The following MRPL48 variants were observed in gnomAD, a reference collection of about 807,000 sequenced individuals.
MRPL48 encodes mitochondrial ribosomal protein L48.
In MRPL48, 16 loss-of-function variants were observed where a neutral mutation model predicts 32.9. The ratio of observed to expected loss-of-function variants is 0.49; its 90% CI spans 0.33 to 0.74. The LOEUF is 0.74. MRPL48 is among the 30% of genes least tolerant of loss of function. The pLI, the probability that MRPL48 is intolerant of heterozygous loss-of-function variation, is 0.02. For missense variants in MRPL48, 206 were observed against 245.3 expected (o/e 0.84, Z 1.07); for synonymous variants, 94 against 89.2 (o/e 1.05, Z -0.31).
intron 3 of MRPL48, among the ~76,000 whole-genome samples, chr11:73,813,474 C>A (rs1320677699): frequency 6.6e-6 from 1 of 151,734 alleles, no homozygotes; most frequent in East Asian, 1.9e-4. Flanking sequence ...GTGCCTGGCC[C>A]ATTTATGTTT....
chr11:73,826,347 A>G (rs1368654663), intron 4 of MRPL48, among the ~76,000 whole-genome samples: 4 of 152,200 alleles, frequency 2.6e-5, no homozygotes, highest in African/African-American at 9.7e-5. Flanking sequence ...ATACTTAAAA[A>G]AAAATCTTCC....
At chr11:73,832,352 A>G (rs1176646111) in intron 4 of MRPL48, 3 of 152,248 alleles carry the variant, frequency 2.0e-5, no homozygotes, top group African/African-American at 7.2e-5. Flanking sequence ...TAGCACCCAT[A>G]ATAGATCAGC....
chr11:73,805,099 T>C lies in MRPL48; in HGVS notation c.74+20T>C, dbSNP rs1222568653. ...CTTAAGGTAAGAATATTAAAAACAA[T>C]AATTAAATATAGGTAACATTTGCCT... On this transcript the variant is annotated intron_variant, in intron 2 of 7. Transcript: ENST00000310614. The C allele has an allele frequency of 2.6e-6, 4 of 1,536,770 alleles. No individual in the cohort carries two copies. The highest frequency in any genetic ancestry group is 1.4e-5 in the African/African-American group (1 of 72,562).
intron 2 of MRPL48, among the ~76,000 whole-genome samples, chr11:73,807,847 C>T (rs1947484107): frequency 6.6e-6 from 1 of 152,104 alleles, no homozygotes; most frequent in Admixed American, 6.6e-5. Flanking sequence ...CCATATTGGG[C>T]AGGCTAGTCT....
At chr11:73,832,239 C>T (rs1948009919) in intron 4 of MRPL48, 1 of 152,156 alleles carries the variant, frequency 6.6e-6, no homozygotes, top group South Asian at 2.1e-4. Flanking sequence ...TGCAGAATGG[C>T]CCCTAGGAAT....
At chr11:73,814,993 C>CATAAATAA (rs142219300) in intron 3 of MRPL48, among the ~76,000 whole-genome samples, 17,602 of 148,964 alleles carry the variant, frequency 0.12, 1,132 homozygotes, top group East Asian at 0.19. Context: ...GACTTGGTCT[C>CATAAATAA]ATAAATAAAT....
At chr11:73,794,184 G>GTATGTATC (rs1947202994) in intron 1 of MRPL48, among the ~76,000 whole-genome samples, 3 of 139,178 alleles carry the variant, frequency 2.2e-5, no homozygotes. Context: ...GTGAGACCCT[G>GTATGTATC]TATCTATCTA....
intron 4 of MRPL48, among the ~76,000 whole-genome samples, chr11:73,829,898 A>G (rs1947962330): frequency 6.6e-6 from 1 of 151,534 alleles, no homozygotes; most frequent in Non-Finnish European, 1.5e-5. Context: ...CTGAGTAGCT[A>G]GGATTACAGG....
chr11:73,815,015 TA>T (rs1947638501), intron 3 of MRPL48, among the ~76,000 whole-genome samples: 1 of 151,290 alleles, frequency 6.6e-6, no homozygotes, highest in African/African-American at 2.4e-5. Context: ...AATAAATAAA[TA>T]AATAAAACAA....
chr11:73,796,846 C>T (rs774376087), intron 1 of MRPL48, among the ~76,000 whole-genome samples: 5 of 152,208 alleles, frequency 3.3e-5, no homozygotes, highest in Admixed American at 1.3e-4. Context: ...AGGCAGATCA[C>T]CTGAGGTCAG....
At chr11:73,820,318 G>A (rs1359108757) in intron 3 of MRPL48, among the ~76,000 whole-genome samples, 3 of 152,052 alleles carry the variant, frequency 2.0e-5, no homozygotes, top group Non-Finnish European at 2.9e-5. Context: ...TCCGCCTCCC[G>A]GGTTCAAGTG....
chr11:73,805,057 A>C lies in MRPL48; in HGVS notation c.52A>C (p.Lys18Gln). The C allele has an allele frequency of 6.3e-7, 1 of 1,586,882 alleles. No individual in the cohort carries two copies. Among genetic ancestry groups the C allele is most frequent in the Non-Finnish European group, 8.6e-7 (1 of 1,165,452 alleles). ...VLCLRNNTIF[K>Q]QAFSLLRFRT... is the part of the protein sequence containing the mutation. ...GTGCCTGAGGAACAATACCATTTTT[A>C]AGCAAGCCTTTTCTCTCTTAAGGTA... The change falls in exon 2 of 8, where the codon AAG becomes CAG. Residue 18 changes from lysine (K) to glutamine (Q), a missense_variant. By Grantham distance (53) the Lys-to-Gln change is moderately conservative (BLOSUM62 1). Transcript: ENST00000310614.
chr11:73,791,553 A>G (rs1947154141), intron 1 of MRPL48, among the ~76,000 whole-genome samples: 1 of 151,946 alleles, frequency 6.6e-6, no homozygotes, highest in South Asian at 2.1e-4. Context: ...AGTAGCTGGG[A>G]TTACAGGCAC....
intron 7 of MRPL48, among the ~76,000 whole-genome samples, chr11:73,863,559 A>AACATGGGTTAAGATAGT (rs1238815239): frequency 3.4e-4 from 52 of 152,326 alleles, no homozygotes; most frequent in African/African-American, 1.2e-3. Context: ...TGGAAGAAAG[A>AACATGGGTTAAGATAGT]ACATGGGTTA....
chr11:73,850,678 A>ATTT lies in MRPL48; in HGVS notation c.371+5716_371+5718dup, dbSNP rs34562115. The ATTT allele has an allele frequency of 9.5e-4, 176 of 185,360 alleles. 1 individual carries two copies. Among genetic ancestry groups the ATTT allele is most frequent in the South Asian group, 4.1e-3 (51 of 12,408 alleles). The allele number at this position is 185,360 out of a possible 1,614,324, so 11.5% of individuals were successfully genotyped here. On this transcript the variant is annotated intron_variant, in intron 5 of 7. Transcript: ENST00000310614. ...CTACTTCTGAGGTCTGGGCTATACA[A>ATTT]TTTTTTTTTTTTTTTTGAAACGGAG... is the stretch of plus-strand genomic sequence containing the variant.
intron 3 of MRPL48, among the ~76,000 whole-genome samples, chr11:73,821,670 G>A (rs549957356): frequency 1.3e-5 from 2 of 152,242 alleles, no homozygotes; most frequent in South Asian, 4.1e-4. Context: ...ATCATAGACA[G>A]CCCTTATCAC....
intron 6 of MRPL48, among the ~76,000 whole-genome samples, 199 bp from the exon 7 acceptor site, chr11:73,862,973 C>T (rs1243423488): frequency 6.6e-6 from 1 of 152,184 alleles, no homozygotes; most frequent in African/African-American, 2.4e-5. Flanking sequence ...CAGATATTGG[C>T]AGTGAACATC....
At chr11:73,797,618 T>A (rs896495361) in intron 1 of MRPL48, among the ~76,000 whole-genome samples, 2 of 152,226 alleles carry the variant, frequency 1.3e-5, no homozygotes, top group Non-Finnish European at 2.9e-5. Context: ...CACCTGCAGC[T>A]GCCCGCCCTG....
intron 5 of MRPL48, among the ~76,000 whole-genome samples, chr11:73,845,690 A>G (rs979261242): frequency 6.6e-6 from 1 of 152,190 alleles, no homozygotes; most frequent in African/African-American, 2.4e-5. Context: ...GGATAGCTTG[A>G]GTCCAGGAGG....
Sources: allele counts gnomAD v4.1 joint callset (sites outside exome capture counted in the v4.1 genomes callset), GRCh38; gene constraint gnomAD v4.1.1; transcripts MANE v1.5; gene names NCBI Gene and HGNC (gene_info 2026-07-23, HGNC 2026-07-21).